Variants in PRELID2 observed in about 807,000 individuals in gnomAD.
PRELID2 encodes PRELI domain-containing protein 2.
Under a neutral mutation model 28.4 loss-of-function variants are expected in PRELID2, and 25 were observed. The observed-to-expected ratio is 0.88, with a 90% CI of 0.64 to 1.23. The LOEUF (loss-of-function observed/expected upper bound fraction) is 1.23, where lower values mean the gene tolerates loss of function less well. Ranked by LOEUF, PRELID2 falls within the 50% of genes most tolerant of loss-of-function variation. The probability of loss-of-function intolerance (pLI) is 0.00; values close to 1 mark genes in which losing one functional copy is unlikely to be tolerated. For missense variants in PRELID2, 201 were observed against 214.4 expected (o/e 0.94, Z 0.39); for synonymous variants, 76 against 71.6 (o/e 1.06, Z -0.31).
chr5:145,578,668 C>A (rs78737695), intron 1 of PRELID2, among the ~76,000 whole-genome samples: 1 of 152,018 alleles, frequency 6.6e-6, no homozygotes, highest in Non-Finnish European at 1.5e-5. Flanking sequence ...TTATTGCTGA[C>A]GTTCTAATGC....
At chr5:145,450,699 A>G in the PRELID2 span, 4 of 152,206 alleles carry the variant, frequency 2.6e-5, no homozygotes, top group African/African-American at 9.6e-5. Flanking sequence ...TGTGTCTAAG[A>G]TGCTAGAAAT....
At chr5:145,368,485 C>T in the PRELID2 span, among the ~76,000 whole-genome samples, 1 of 151,890 alleles carries the variant, frequency 6.6e-6, no homozygotes, top group Admixed American at 6.6e-5. Context: ...GAACCACACC[C>T]AATGCCTTGG....
Position 145,737,437 on chromosome 5 carries a change from C to A in PRELID2, n.70+27494G>T, listed in dbSNP as rs998877726. On this transcript the variant is annotated intron_variant and non_coding_transcript_variant, in intron 1 of 2. Coordinates refer to the PRELID2 transcript ENST00000510259. ...GGATGTTATTTATTTAAAAAAAAAA[C>A]AAAAACAAAAAAAATAAGAAGACTG... 8.6e-5 allele frequency among the ~76,000 whole-genome samples: 13 copies of A among 150,714 alleles called. No homozygotes were observed. The South Asian group carries it at 1.7e-3, about 20-fold the overall frequency.
At chr5:145,398,289 C>T in the PRELID2 span, among the ~76,000 whole-genome samples, 3 of 152,098 alleles carry the variant, frequency 2.0e-5, no homozygotes, top group Admixed American at 6.6e-5. Context: ...CAATTGCCCA[C>T]GTATCATTAT....
intron 1 of PRELID2, among the ~76,000 whole-genome samples, chr5:145,705,107 T>C (rs988849640): frequency 4.6e-5 from 7 of 152,180 alleles, no homozygotes; most frequent in Admixed American, 4.6e-4. Context: ...TCGGAGGGTC[T>C]GAGAATTAAA....
the PRELID2 span, among the ~76,000 whole-genome samples, chr5:145,337,463 C>A: frequency 6.6e-6 from 1 of 151,358 alleles, no homozygotes; most frequent in Non-Finnish European, 1.5e-5. Flanking sequence ...AGGACTTAAT[C>A]CCACTAGACT....
At chr5:145,402,988 C>A in the PRELID2 span, among the ~76,000 whole-genome samples, 1 of 152,144 alleles carries the variant, frequency 6.6e-6, no homozygotes. Context: ...TCAGTGCTTG[C>A]CTTGGGATTA....
chr5:145,641,284 T>C (rs1401518959), intron 1 of PRELID2, among the ~76,000 whole-genome samples: 3 of 151,608 alleles, frequency 2.0e-5, no homozygotes, highest in Admixed American at 1.3e-4. Flanking sequence ...AAAACTACTA[T>C]AAATCAATCA....
chr5:145,315,547 T>TGTGTGG, the PRELID2 span, among the ~76,000 whole-genome samples: 2 of 43,548 alleles, frequency 4.6e-5, no homozygotes, highest in African/African-American at 1.9e-4. Context: ...TCTTTCAGGG[T>TGTGTGG]GTGTGTGTGT....
intron 1 of PRELID2, among the ~76,000 whole-genome samples, chr5:145,497,668 T>G (rs927434448): frequency 6.6e-6 from 1 of 152,180 alleles, no homozygotes; most frequent in Admixed American, 6.5e-5. Flanking sequence ...TTGCCTGTGC[T>G]CACTCAAGTA....
intron 5 of PRELID2, among the ~76,000 whole-genome samples, chr5:145,779,400 G>A (rs992097550): frequency 1.3e-5 from 2 of 152,006 alleles, no homozygotes; most frequent in African/African-American, 2.4e-5. Context: ...ATTTATAATG[G>A]TAAAAGTGGA....
At chr5:145,559,116 G>T (rs954476042) in intron 1 of PRELID2, among the ~76,000 whole-genome samples, 1 of 152,036 alleles carries the variant, frequency 6.6e-6, no homozygotes, top group Non-Finnish European at 1.5e-5. Context: ...TTAGCCGGGC[G>T]TAGTGGCAGG....
rs1001102872 is a variant in PRELID2, at chr5:145,557,806, C to A, written n.71-84491G>T. On this transcript the variant is annotated intron_variant and non_coding_transcript_variant, in intron 1 of 2. Coordinates refer to the PRELID2 transcript ENST00000510259. ...AAGGTCAACACTTAGTAAATGGCAG[C>A]ACCAAAGTTTGAACCCAGAGAGGCT... 6.8e-4 allele frequency among the ~76,000 whole-genome samples: 103 copies of A among 152,272 alleles called. 1 individual carries two copies. The highest frequency in any genetic ancestry group is 2.4e-3 in the African/African-American group (99 of 41,546).
At chr5:145,239,292 G>T in the PRELID2 span, among the ~76,000 whole-genome samples, 1 of 152,022 alleles carries the variant, frequency 6.6e-6, no homozygotes, top group Non-Finnish European at 1.5e-5. Flanking sequence ...AAAGAATGAG[G>T]AGTGGATTTT....
the PRELID2 span, among the ~76,000 whole-genome samples, chr5:145,312,622 T>C: frequency 1.3e-5 from 2 of 152,202 alleles, no homozygotes; most frequent in East Asian, 3.9e-4. Flanking sequence ...TGTCTTCCTG[T>C]GTCTGGCTTA....
At chr5:145,278,339 G>T in the PRELID2 span, among the ~76,000 whole-genome samples, 1 of 152,168 alleles carries the variant, frequency 6.6e-6, no homozygotes, top group South Asian at 2.1e-4. Context: ...GCACAGCTGG[G>T]TCTCCTGTAA....
intron 1 of PRELID2, among the ~76,000 whole-genome samples, chr5:145,601,692 A>T (rs976867746): frequency 1.3e-5 from 2 of 152,168 alleles, no homozygotes; most frequent in African/African-American, 4.8e-5. Context: ...TTTGGCACTG[A>T]GAGAGTTTGC....
the PRELID2 span, among the ~76,000 whole-genome samples, chr5:145,438,288 A>G: frequency 7.2e-5 from 11 of 152,160 alleles, no homozygotes; most frequent in African/African-American, 2.7e-4. Context: ...AAAAGAAGAA[A>G]GACAAGAAAT....
chr5:145,400,660 T>C, the PRELID2 span, among the ~76,000 whole-genome samples: 3 of 152,058 alleles, frequency 2.0e-5, no homozygotes, highest in Non-Finnish European at 4.4e-5. Context: ...AGCGCACACA[T>C]TTGGTTTTAT....
Sources: gnomAD v4.1 joint callset for allele counts (sites outside exome capture counted in the v4.1 genomes callset) on GRCh38, gnomAD v4.1.1 for gene constraint, MANE v1.5 for transcripts, NCBI Gene and HGNC (gene_info 2026-07-23, HGNC 2026-07-21) for gene names.